The following CCNL2 variants were observed in gnomAD, a reference collection of about 807,000 sequenced individuals.
CCNL2 encodes the protein cyclin-L2.
A neutral mutation model predicts 59.1 loss-of-function variants in CCNL2; 28 were observed. The ratio of observed to expected loss-of-function variants is 0.47; its 90% CI spans 0.35 to 0.65. The LOEUF (loss-of-function observed/expected upper bound fraction) is 0.65. Ranked by LOEUF, CCNL2 falls within the 30% of genes least tolerant of loss-of-function variation. CCNL2 has a pLI of 0.00. For synonymous variants in CCNL2, 342 were observed against 288.6 expected (o/e 1.19, Z -1.88); for missense variants, 714 against 717.4 (o/e 1.00, Z 0.05).
At chr1:1,392,244 A>C in intron 5 of CCNL2, 1 of 806,948 alleles carries the variant, frequency 1.2e-6, no homozygotes, top group Non-Finnish European at 1.5e-6. Context: ...TAGTGATATT[A>C]ATCCACGAAC....
Position 1,398,651 on chromosome 1 carries a change from C to T in CCNL2, c.309G>A (p.Gln103=). The T allele has an allele frequency of 6.2e-7, 1 of 1,613,932 alleles. No individual in the cohort carries two copies. The highest frequency in any genetic ancestry group is 8.5e-7 in the Non-Finnish European group (1 of 1,179,988). The change falls in exon 2 of 11, where the codon CAG becomes CAA. Residue 103 remains glutamine, a synonymous_variant. Transcript: ENST00000400809. The part of the protein sequence containing the change: ...RLPQVAMATG[Q]VLFQRFFYTK... ...TATAAAAGAACCGCTGGAACAACAC[C>T]TGCCCGGTAGCCATGGCCACCTAGA...
chr1:1,392,449 C>G, intron 5 of CCNL2: 1 of 1,199,476 alleles, frequency 8.3e-7, no homozygotes, highest in Non-Finnish European at 1.0e-6. Context: ...CACACTGACA[C>G]AGCCAATTTG....
chr1:1,398,345 G>A lies in CCNL2; in HGVS notation c.364-3C>T, dbSNP rs754723486. ...TGGACACAGGCCATTGACACATGCT[G>A]AAGCGGAAGCATTGCAACACGCCCA... On this transcript the variant is annotated splice_polypyrimidine_tract_variant and splice_region_variant and intron_variant, in intron 2 of 10. Coordinates refer to ENST00000400809, the MANE Select transcript of CCNL2 (RefSeq NM_030937.6). 4 of 1,614,024 alleles carry A rather than the reference G, an allele frequency of 2.5e-6. No individual in the cohort carries two copies. The highest frequency in any genetic ancestry group is 4.5e-5 in the East Asian group (2 of 44,886).
At chr1:1,395,989 C>G (rs1438439354) in intron 3 of CCNL2, among the ~76,000 whole-genome samples, 1 of 150,712 alleles carries the variant, frequency 6.6e-6, no homozygotes, top group African/African-American at 2.4e-5. Context: ...CCAGTCTGAC[C>G]AACATGGTGA....
Position 1,387,814 on chromosome 1 carries a change from A to G in CCNL2, c.1174T>C (p.Ser392Pro). The G allele has an allele frequency of 1.9e-6, 3 of 1,613,014 alleles. No individual in the cohort carries two copies. The highest frequency in any genetic ancestry group is 2.5e-6 in the Non-Finnish European group (3 of 1,179,768). Residue 392 changes from serine to proline, a missense_variant, in exon 10 of 11, where the codon TCG (serine) becomes CCG (proline). By Grantham distance (74) the Ser-to-Pro change is moderately conservative. Around this residue, in one of 5 missense-constraint regions of CCNL2, gnomAD observed 403 missense variants for 377.7 expected, o/e 1.07. Coordinates refer to ENST00000400809, the MANE Select transcript of CCNL2 (RefSeq NM_030937.6). Reference sequence around the variant, plus strand: ...GACGCTGATCGGGATGGGGACCTCGAGTAGCTCTGCTCACGGCTCCGGCTC... The same window carrying G: ...GACGCTGATCGGGATGGGGACCTCGGGTAGCTCTGCTCACGGCTCCGGCTC... ...SRSRSREQSY[S>P]RSPSRSASPK...
intron 5 of CCNL2, chr1:1,393,128 C>G: frequency 5.1e-6 from 3 of 585,132 alleles, no homozygotes; most frequent in Non-Finnish European, 9.1e-6. Flanking sequence ...AAGTCAACAG[C>G]TCCCAGAGGA....
chr1:1,387,548 T>C lies in CCNL2; in HGVS notation c.1246A>G (p.Lys416Glu), dbSNP rs1644520512. 6.6e-7 allele frequency: 1 copy of C among 1,525,606 alleles called. No individual in the cohort carries two copies. The highest frequency in any genetic ancestry group is 8.8e-7 in the Non-Finnish European group (1 of 1,138,882). 94.5% of individuals were successfully genotyped at this position (1,525,606 alleles called of 1,614,324 possible). A position where few individuals can be genotyped will look rare whatever the true frequency, so the allele number is the denominator to read the frequency against. Residue 416 changes from lysine to glutamate, a missense_variant, in exon 11 of 11, where the codon AAG becomes GAG. Physicochemically the swap from Lys to Glu is moderately conservative, Grantham distance 56. Transcript: ENST00000400809. ...SDSGSTSGGSKSQSRSRSRSD... is the reference protein window; with the variant it reads ...SDSGSTSGGSESQSRSRSRSD... ...CTGCTCCGGGAGCGGCTCTGCGACTTGGACCCACCAGATGTGGAGCCGCTG... is the reference window on the plus strand; with the variant it reads ...CTGCTCCGGGAGCGGCTCTGCGACTCGGACCCACCAGATGTGGAGCCGCTG...
At chr1:1,395,321 C>A (rs1028057354) in intron 4 of CCNL2, 73 bp downstream of exon 4, 8 of 1,566,998 alleles carry the variant, frequency 5.1e-6, no homozygotes, top group Non-Finnish European at 7.0e-6. Context: ...TTCAACTGCA[C>A]TGAGGTGGAG....
chr1:1,395,808 G>A (rs901871647), intron 3 of CCNL2, among the ~76,000 whole-genome samples: 3 of 152,170 alleles, frequency 2.0e-5, no homozygotes, highest in Non-Finnish European at 4.4e-5. Context: ...AAATGCTAAA[G>A]CACTTTATGT....
intron 10 of CCNL2, 75 bp downstream of exon 10, chr1:1,387,702 C>T (rs1409079666): frequency 6.9e-7 from 1 of 1,452,628 alleles, no homozygotes; most frequent in Non-Finnish European, 9.4e-7. Context: ...GAAACCACCT[C>T]AGGGTGAGAA....
chr1:1,387,944 G>C lies in CCNL2; in HGVS notation c.1118+10C>G, dbSNP rs1430542056. ...CCCTGACAGCCACCTGGGCAGCCCT[G>C]GGGTCCTACCCGTTCACGGGGCTGT... On this transcript the variant is annotated intron_variant, in intron 9 of 10. Transcript: ENST00000400809. 1 of 1,613,116 alleles carries C rather than the reference G, an allele frequency of 6.2e-7. No individual in the cohort carries two copies. Among genetic ancestry groups the C allele is most frequent in the Non-Finnish European group, 8.5e-7 (1 of 1,179,352 alleles).
intron 3 of CCNL2, among the ~76,000 whole-genome samples, chr1:1,395,920 G>A (rs1644994536): frequency 1.3e-5 from 2 of 152,044 alleles, no homozygotes; most frequent in African/African-American, 4.8e-5. Flanking sequence ...GGCTCTGCCT[G>A]TAATCCCAGC....
At chr1:1,394,752 G>GA (rs745453245) in intron 4 of CCNL2, among the ~76,000 whole-genome samples, 2,086 of 42,620 alleles carry the variant, frequency 0.049, 31 homozygotes, top group African/African-American at 0.062. Context: ...TCCGTCTCAA[G>GA]AAAAAAAAAA....
chr1:1,396,513 G>A (rs1419453755), intron 3 of CCNL2, among the ~76,000 whole-genome samples: 1 of 148,582 alleles, frequency 6.7e-6, no homozygotes, highest in Non-Finnish European at 1.5e-5. Flanking sequence ...TGATCCACCC[G>A]CCTTGGCCTC....
At chr1:1,396,395 T>C (rs887410214) in intron 3 of CCNL2, among the ~76,000 whole-genome samples, 3 of 150,182 alleles carry the variant, frequency 2.0e-5, no homozygotes, top group African/African-American at 7.4e-5. Flanking sequence ...GCCTCCCAAG[T>C]AGCTGGTATT....
intron 3 of CCNL2, 95 bp downstream of exon 3, chr1:1,398,138 A>G (rs1645148044): frequency 3.4e-6 from 4 of 1,186,718 alleles, no homozygotes; most frequent in African/African-American, 1.5e-5. Context: ...TTAGAGCCTC[A>G]GGCCTGTATT....
intron 8 of CCNL2, 40 bp from the exon 9 acceptor site, chr1:1,388,105 A>T: frequency 4.7e-6 from 7 of 1,502,980 alleles, no homozygotes; most frequent in Non-Finnish European, 6.5e-6. Context: ...ACCACAAAAC[A>T]CTCTCCCAAT....
chr1:1,395,846 C>G (rs1644990140), intron 3 of CCNL2, among the ~76,000 whole-genome samples: 1 of 152,178 alleles, frequency 6.6e-6, no homozygotes, highest in Non-Finnish European at 1.5e-5. Context: ...TACATATTCA[C>G]AGTTCAATAA....
Position 1,399,239 on chromosome 1 carries a change from G to A in CCNL2, c.68C>T (p.Pro23Leu), listed in dbSNP as rs1167901922. ...CCCTGAGGGTGCGCCCCCAGATCCCGGGGCGCCGGCCGCTGCCGCGGGAGC... is the reference window on the plus strand; with the variant it reads ...CCCTGAGGGTGCGCCCCCAGATCCCAGGGCGCCGGCCGCTGCCGCGGGAGC... Reference protein sequence around the residue: ...SAAPAAAAGAPGSGGAPSGSQ... With the variant: ...SAAPAAAAGALGSGGAPSGSQ... Residue 23 changes from proline to leucine, a missense_variant, in exon 1 of 11, where the codon CCG (proline) becomes CTG (leucine). Coordinates refer to ENST00000400809, the MANE Select transcript of CCNL2 (RefSeq NM_030937.6). 6.3e-7 allele frequency: 1 copy of A among 1,591,400 alleles called. No individual in the cohort carries two copies. Among genetic ancestry groups the A allele is most frequent in the South Asian group, 1.1e-5 (1 of 88,982 alleles).
Sources: allele counts gnomAD v4.1 joint callset (sites outside exome capture counted in the v4.1 genomes callset), GRCh38; gene constraint gnomAD v4.1.1; regional missense constraint gnomAD v4.1.1; transcripts MANE v1.5; gene names NCBI Gene and HGNC (gene_info 2026-07-23, HGNC 2026-07-21).